The following AGBL1 variants were observed in gnomAD, a reference collection of about 807,000 sequenced individuals.
AGBL1 encodes the protein cytosolic carboxypeptidase 4.
Under a neutral mutation model 118.9 loss-of-function variants are expected in AGBL1, and 130 were observed. The observed-to-expected ratio is 1.09, with a 90% CI of 0.95 to 1.26. The LOEUF (loss-of-function observed/expected upper bound fraction) is 1.26. AGBL1 is among the 50% of genes most tolerant of loss of function. The probability of loss-of-function intolerance (pLI) is 0.00; values close to 1 mark genes in which losing one functional copy is unlikely to be tolerated. For synonymous variants in AGBL1, 555 were observed against 478.9 expected, an observed-to-expected ratio of 1.16 and a Z score of -2.08; for missense variants, 1,584 against 1,298.1, an observed-to-expected ratio of 1.22 and a Z score of -3.38.
chr15:86,461,253 G>A (rs1342769258), intron 18 of AGBL1, among the ~76,000 whole-genome samples: 1 of 152,080 alleles, frequency 6.6e-6, no homozygotes, highest in Non-Finnish European at 1.5e-5. Flanking sequence ...CACTCTACTA[G>A]TTTTTAGGAG....
At chr15:86,704,654 A>C (rs2086416778) in intron 22 of AGBL1, among the ~76,000 whole-genome samples, 1 of 152,180 alleles carries the variant, frequency 6.6e-6, no homozygotes, top group Non-Finnish European at 1.5e-5. Flanking sequence ...TAGGCTGTGG[A>C]GAAACAGGAA....
At chr15:86,558,756 C>T (rs1316357186) in intron 21 of AGBL1, among the ~76,000 whole-genome samples, 2 of 152,174 alleles carry the variant, frequency 1.3e-5, no homozygotes, top group Non-Finnish European at 2.9e-5. Context: ...TTATTCACTC[C>T]ACTTGCCTTA....
chr15:86,640,871 C>A (rs1467811630), intron 21 of AGBL1, among the ~76,000 whole-genome samples: 1 of 152,090 alleles, frequency 6.6e-6, no homozygotes, highest in Non-Finnish European at 1.5e-5. Flanking sequence ...TTATCCCACC[C>A]TCAGTGACAA....
At chr15:86,348,039 G>A (rs2080565438) in intron 17 of AGBL1, among the ~76,000 whole-genome samples, 2 of 152,128 alleles carry the variant, frequency 1.3e-5, no homozygotes, top group African/African-American at 2.4e-5. Context: ...GAGTGAATCT[G>A]TTGTGTCCCC....
Position 86,170,989 on chromosome 15 carries a change from C to T in AGBL1, c.488+11963C>T, listed in dbSNP as rs981220045. On this transcript the variant is annotated intron_variant, in intron 5 of 22. Transcript: ENST00000614907. ...AACAGATTTCTTGTTGGAAACAATG[C>T]AAGTGAAAAAACAATGGTGCAGCAT... is the stretch of plus-strand genomic sequence containing the variant. Among the ~76,000 whole-genome samples the T allele has an allele frequency of 2.0e-5, 3 of 151,740 alleles. No homozygotes were observed. In the East Asian group the frequency reaches 5.8e-4, roughly 29 times the overall value.
chr15:86,872,952 C>T lies in AGBL1; in HGVS notation c.3159-34135C>T, dbSNP rs572009241. Among the ~76,000 whole-genome samples, 10 of 152,292 alleles carry T rather than the reference C, an allele frequency of 6.6e-5. No individual in the cohort carries two copies. In the South Asian group the frequency reaches 1.9e-3, roughly 28 times the overall value. ...TACACGTCATCTTGCTTCCCTCTAC[C>T]TATTGTCAGCCTTCAGTCACAGTGT... On this transcript the variant is annotated intron_variant, in intron 22 of 22. Transcript: ENST00000614907.
At chr15:86,785,345 A>G (rs1002986027) in intron 22 of AGBL1, among the ~76,000 whole-genome samples, 11 of 150,104 alleles carry the variant, frequency 7.3e-5, no homozygotes, top group Non-Finnish European at 1.6e-4. Flanking sequence ...GAAGAGGCAC[A>G]GAGATCTGCG....
intron 21 of AGBL1, among the ~76,000 whole-genome samples, chr15:86,666,395 A>G (rs2085645059): frequency 6.6e-6 from 1 of 152,066 alleles, no homozygotes; most frequent in Non-Finnish European, 1.5e-5. Context: ...TATTTACTCA[A>G]TTGTTGCCCT....
chr15:86,406,442 A>G (rs1327074193), intron 18 of AGBL1, among the ~76,000 whole-genome samples: 1 of 152,242 alleles, frequency 6.6e-6, no homozygotes, highest in Non-Finnish European at 1.5e-5. Context: ...AGTGGGAAAA[A>G]ATGCACATCA....
intron 23 of AGBL1, among the ~76,000 whole-genome samples, chr15:86,967,571 A>C (rs1223472997): frequency 6.6e-6 from 1 of 152,142 alleles, no homozygotes; most frequent in Non-Finnish European, 1.5e-5. Context: ...AGCACCATTT[A>C]TTAAATAGGG....
chr15:86,468,991 T>C (rs1028882991), intron 18 of AGBL1, among the ~76,000 whole-genome samples: 1 of 152,194 alleles, frequency 6.6e-6, no homozygotes, highest in Admixed American at 6.5e-5. Context: ...CACAATGTGA[T>C]GTTTAGATAT....
At chr15:86,166,029 A>C (rs922995545) in intron 5 of AGBL1, among the ~76,000 whole-genome samples, 1 of 152,160 alleles carries the variant, frequency 6.6e-6, no homozygotes, top group African/African-American at 2.4e-5. Flanking sequence ...ATAGATATTC[A>C]AGTTGTAGGA....
At chr15:86,921,407 C>T (rs1257174699) in intron 23 of AGBL1, among the ~76,000 whole-genome samples, 1 of 152,148 alleles carries the variant, frequency 6.6e-6, no homozygotes, top group East Asian at 1.9e-4. Flanking sequence ...GAAAAAACAA[C>T]TCAGGGACAT....
chr15:86,781,803 C>T lies in AGBL1; in HGVS notation c.3158+107367C>T, dbSNP rs151021969. ...AAGCTGAAACATGTTTTTTCCACCT[C>T]ATTTACATGTATCTTGTTAAAAGTT... is the stretch of plus-strand genomic sequence containing the variant. On this transcript the variant is annotated intron_variant, in intron 22 of 22. Transcript: ENST00000614907. Among the ~76,000 whole-genome samples the T allele has an allele frequency of 5.2e-3, 798 of 152,190 alleles. 16 individuals are homozygous for T. The highest frequency in any genetic ancestry group is 0.018 in the African/African-American group (752 of 41,552).
chr15:86,976,208 AATTT>A (rs1218471163), intron 23 of AGBL1, among the ~76,000 whole-genome samples: 4 of 150,248 alleles, frequency 2.7e-5, no homozygotes, highest in Admixed American at 6.7e-5. Context: ...AAGAAATTAT[AATTT>A]ATTCTAGTAA....
intron 22 of AGBL1, among the ~76,000 whole-genome samples, chr15:86,852,252 C>T (rs2079417959): frequency 6.6e-6 from 1 of 152,152 alleles, no homozygotes; most frequent in South Asian, 2.1e-4. Flanking sequence ...AGATGCCAGA[C>T]ACTTATAAAA....
chr15:86,649,702 G>GT (rs1567102828), intron 21 of AGBL1, among the ~76,000 whole-genome samples: 16 of 137,004 alleles, frequency 1.2e-4, no homozygotes, highest in African/African-American at 4.7e-4. Context: ...GATTAATTTG[G>GT]GTTTTTTTTC....
intron 17 of AGBL1, among the ~76,000 whole-genome samples, chr15:86,299,338 G>A (rs2079709240): frequency 6.6e-6 from 1 of 152,082 alleles, no homozygotes; most frequent in Non-Finnish European, 1.5e-5. Flanking sequence ...CGGTAGCAGG[G>A]AACCTTTACA....
At chr15:86,849,800 T>G (rs1027150204) in intron 22 of AGBL1, among the ~76,000 whole-genome samples, 4 of 152,174 alleles carry the variant, frequency 2.6e-5, no homozygotes, top group African/African-American at 9.7e-5. Flanking sequence ...GTGTGCTGGG[T>G]AGCATTCAGG....
Sources: gnomAD v4.1 joint callset for allele counts (sites outside exome capture counted in the v4.1 genomes callset) on GRCh38, gnomAD v4.1.1 for gene constraint, MANE v1.5 for transcripts, NCBI Gene and HGNC (gene_info 2026-07-23, HGNC 2026-07-21) for gene names.